ITGBL1: variants seen among roughly 807,000 people sequenced by gnomAD.
ITGBL1 encodes integrin beta-like protein 1.
A neutral mutation model predicts 68.5 loss-of-function variants in ITGBL1; 51 were observed. That is an observed-to-expected ratio of 0.74 (90% CI 0.59 to 0.94). The LOEUF is 0.94. Among genes scored for constraint, ITGBL1 ranks in the 40% least tolerant of loss-of-function variants. The pLI is 0.00. For synonymous variants in ITGBL1, 209 were observed against 227.3 expected (o/e 0.92, Z 0.72); for missense variants, 649 against 647.4 (o/e 1.00, Z -0.03).
chr13:101,558,608 C>G (rs1416813511), intron 2 of ITGBL1, among the ~76,000 whole-genome samples: 2 of 152,152 alleles, frequency 1.3e-5, no homozygotes, highest in Non-Finnish European at 2.9e-5. Flanking sequence ...ATGCCATACT[C>G]TCTTTTATTA....
intron 7 of ITGBL1, among the ~76,000 whole-genome samples, chr13:101,620,691 G>T (rs539957922): frequency 6.6e-6 from 1 of 152,226 alleles, no homozygotes; most frequent in Non-Finnish European, 1.5e-5. Flanking sequence ...GGACATGAGA[G>T]GAAATGTGGA....
At chr13:101,543,823 C>A (rs915811683) in intron 2 of ITGBL1, among the ~76,000 whole-genome samples, 1 of 152,152 alleles carries the variant, frequency 6.6e-6, no homozygotes, top group African/African-American at 2.4e-5. Flanking sequence ...TCACTGATAC[C>A]CTTTCTTCCA....
chr13:101,535,113 C>T (rs1029987079), intron 2 of ITGBL1, among the ~76,000 whole-genome samples: 2 of 152,072 alleles, frequency 1.3e-5, no homozygotes, highest in Admixed American at 6.6e-5. Context: ...CAGAAAGAGG[C>T]TTTTCTTTCT....
At chr13:101,550,165 T>A (rs149428707) in intron 2 of ITGBL1, among the ~76,000 whole-genome samples, 2 of 152,308 alleles carry the variant, frequency 1.3e-5, no homozygotes, top group African/African-American at 4.8e-5. Flanking sequence ...CCTCTTGTGT[T>A]TGCATATTTT....
At chr13:101,717,944 T>C (rs974236871), downstream of ITGBL1, 1 of 152,146 alleles carries the variant, frequency 6.6e-6, no homozygotes, top group Non-Finnish European at 1.5e-5. Flanking sequence ...CATAGTCTCA[T>C]GTAAGAAGAG....
chr13:101,454,168 C>T (rs974031126), intron 2 of ITGBL1, 68 bp downstream of exon 2: 4 of 1,215,854 alleles, frequency 3.3e-6, no homozygotes, highest in Admixed American at 2.6e-5. Context: ...CTGCCACTCC[C>T]TAGAAGAGTG....
intron 7 of ITGBL1, among the ~76,000 whole-genome samples, chr13:101,627,481 A>G (rs1161189351): frequency 6.6e-6 from 1 of 152,064 alleles, no homozygotes; most frequent in Non-Finnish European, 1.5e-5. Context: ...AGTAATTATT[A>G]TAATTTACCT....
chr13:101,535,883 G>T (rs1025037154), intron 2 of ITGBL1, among the ~76,000 whole-genome samples: 1 of 152,022 alleles, frequency 6.6e-6, no homozygotes, highest in African/African-American at 2.4e-5. Context: ...GGAACTATAA[G>T]TTGAATATTG....
chr13:101,676,599 A>G (rs1168297900), intron 7 of ITGBL1, among the ~76,000 whole-genome samples: 1 of 152,160 alleles, frequency 6.6e-6, no homozygotes, highest in Non-Finnish European at 1.5e-5. Context: ...GATTATTTGG[A>G]TAGAAGGTAG....
chr13:101,605,352 A>G (rs111068204), intron 7 of ITGBL1, among the ~76,000 whole-genome samples: 9,554 of 143,876 alleles, frequency 0.066, 925 homozygotes, highest in African/African-American at 0.15. Context: ...ATATCTAGAC[A>G]TGTATGTGTG....
chr13:101,527,610 C>T (rs993304898), intron 2 of ITGBL1, among the ~76,000 whole-genome samples: 3 of 68,062 alleles, frequency 4.4e-5, no homozygotes, highest in African/African-American at 1.8e-4. Flanking sequence ...GAAGAAACTG[C>T]GAAACAGTTT....
chr13:101,697,991 C>T (rs139672240), intron 8 of ITGBL1, among the ~76,000 whole-genome samples: 1 of 152,026 alleles, frequency 6.6e-6, no homozygotes, highest in Admixed American at 6.6e-5. Flanking sequence ...AGCAATTAGT[C>T]CCCCCCATCA....
In ITGBL1 at chr13:101,598,246, A is replaced by G. The variant is rs1167224709; in HGVS notation, c.962A>G (p.Glu321Gly). ...EHPQSCTLSAEESIRKCQGSS... is the reference protein window; with the variant it reads ...EHPQSCTLSAGESIRKCQGSS... ...CCACAGTCCTGCACGCTGTCAGCTG[A>G]GGAGAGCATCAGGAAGTGCCAGGGA... is the stretch of plus-strand genomic sequence containing the variant. Residue 321 changes from glutamate to glycine, a missense_variant, in exon 7 of 11, where the codon GAG (glutamate) becomes GGG (glycine). Glu to Gly is a moderately conservative substitution (Grantham distance 98, BLOSUM62 -2). Transcript: ENST00000376180. The G allele has an allele frequency of 6.2e-7, 1 of 1,613,600 alleles. No homozygotes were observed. Among genetic ancestry groups the G allele is most frequent in the Non-Finnish European group, 8.5e-7 (1 of 1,179,882 alleles).
chr13:101,605,489 TATATAGACATGTATATGCGTATACAC>T (rs1324317122), intron 7 of ITGBL1, among the ~76,000 whole-genome samples: 17 of 108,906 alleles, frequency 1.6e-4, no homozygotes, highest in South Asian at 3.3e-4. Flanking sequence ...TATATACACA[TATATAGACATGTATATGCGTATACAC>T]ATATAGACAT....
intron 7 of ITGBL1, among the ~76,000 whole-genome samples, chr13:101,610,116 T>C (rs927224867): frequency 2.0e-5 from 3 of 152,188 alleles, no homozygotes; most frequent in Non-Finnish European, 4.4e-5. Context: ...AAAATTTTGT[T>C]ACTATGATTA....
intron 2 of ITGBL1, among the ~76,000 whole-genome samples, chr13:101,524,268 C>T (rs2049334661): frequency 6.6e-6 from 1 of 151,934 alleles, no homozygotes; most frequent in African/African-American, 2.4e-5. Flanking sequence ...AAAAACAATG[C>T]CACTCATGAT....
chr13:101,682,422 C>T (rs2033665817), intron 7 of ITGBL1, among the ~76,000 whole-genome samples: 1 of 152,040 alleles, frequency 6.6e-6, no homozygotes, highest in Non-Finnish European at 1.5e-5. Context: ...TCCAAAAAAA[C>T]TGTGAATGAG....
chr13:101,535,174 A>G (rs1366040984), intron 2 of ITGBL1, among the ~76,000 whole-genome samples: 1 of 152,034 alleles, frequency 6.6e-6, no homozygotes, highest in Non-Finnish European at 1.5e-5. Flanking sequence ...CTACGTGGTG[A>G]TAATGCCCTA....
chr13:101,665,797 A>G (rs2033199433), intron 7 of ITGBL1, among the ~76,000 whole-genome samples: 1 of 152,182 alleles, frequency 6.6e-6, no homozygotes, highest in Admixed American at 6.5e-5. Context: ...CTTATGCACA[A>G]TTGCCTAATA....
Sources: allele counts gnomAD v4.1 joint callset (sites outside exome capture counted in the v4.1 genomes callset), GRCh38; gene constraint gnomAD v4.1.1; transcripts MANE v1.5; gene names NCBI Gene and HGNC (gene_info 2026-07-23, HGNC 2026-07-21).